ANKRD36C: variants seen among roughly 807,000 people sequenced by gnomAD.
ANKRD36C encodes ankyrin repeat domain-containing protein 36C.
A neutral mutation model predicts 276.4 loss-of-function variants in ANKRD36C; 61 were observed. The ratio of observed to expected loss-of-function variants is 0.22; its 90% CI spans 0.18 to 0.27. The LOEUF is 0.27. Among genes scored for constraint, ANKRD36C ranks in the 10% least tolerant of loss-of-function variants. ANKRD36C has a pLI of 1.00. For synonymous variants in ANKRD36C, 483 were observed against 680.1 expected, an observed-to-expected ratio of 0.71 and a Z score of 4.51; for missense variants, 1,447 against 2,032.3, an observed-to-expected ratio of 0.71 and a Z score of 5.54.
chr2:95,928,450 A>T (rs1677469586), intron 26 of ANKRD36C, among the ~76,000 whole-genome samples: 1 of 151,542 alleles, frequency 6.6e-6, no homozygotes, highest in Admixed American at 6.6e-5. Context: ...CGATTCTAGC[A>T]CTCTTTCCTG....
At chr2:95,986,951 C>G (rs868763882) in intron 2 of ANKRD36C, 27 bp from the exon 3 acceptor site, 3 of 1,613,244 alleles carry the variant, frequency 1.9e-6, no homozygotes, top group Middle Eastern at 1.7e-4. Flanking sequence ...GAGAAACATG[C>G]AAATATTGAA....
chr2:95,851,659 T>C, intron 66 of ANKRD36C, 35 bp downstream of exon 86: 1 of 1,436,682 alleles, frequency 7.0e-7, no homozygotes. Context: ...ATAAAATTCC[T>C]TTTCAGTATG....
chr2:95,960,921 C>T (rs1678444965), intron 8 of ANKRD36C, among the ~76,000 whole-genome samples: 1 of 151,980 alleles, frequency 6.6e-6, no homozygotes, highest in South Asian at 2.1e-4. Flanking sequence ...TGCAATAAAA[C>T]AGTGTCTTTA....
chr2:95,883,774 G>A (rs1432115845), intron 54 of ANKRD36C, among the ~76,000 whole-genome samples: 3 of 152,012 alleles, frequency 2.0e-5, no homozygotes, highest in African/African-American at 4.8e-5. Flanking sequence ...GTTCTACAGT[G>A]TTTATGGGTT....
intron 38 of ANKRD36C, among the ~76,000 whole-genome samples, chr2:95,915,414 T>G (rs577897545): frequency 1.3e-5 from 2 of 151,628 alleles, no homozygotes; most frequent in South Asian, 4.1e-4. Context: ...CAAATATTGT[T>G]TATGGAAATG....
chr2:95,965,997 T>C (rs757055621), intron 6 of ANKRD36C, among the ~76,000 whole-genome samples: 11 of 152,194 alleles, frequency 7.2e-5, no homozygotes, highest in Non-Finnish European at 1.5e-4. Context: ...ATGTCGTCAA[T>C]AAGTTTTAGT....
chr2:95,923,477 T>C lies in ANKRD36C; in HGVS notation c.2143+18A>G, dbSNP rs547599650. 229 of 1,609,732 alleles carry C rather than the reference T, an allele frequency of 1.4e-4. No individual in the cohort carries two copies. The African/African-American group carries it at 2.8e-3, about 20-fold the overall frequency. On this transcript the variant is annotated intron_variant, in intron 32 of 66. Coordinates refer to ENST00000456556, the Ensembl canonical transcript of ANKRD36C. ...TATCTGGACTGAACATGACATTTAA[T>C]GTGTTTTGCAAAATTACCTGTCCCA...
intron 6 of ANKRD36C, among the ~76,000 whole-genome samples, chr2:95,963,958 AATAT>A (rs1275080152): frequency 1.6e-5 from 1 of 63,598 alleles, no homozygotes; most frequent in South Asian, 4.5e-4. Flanking sequence ...TATATATATA[AATAT>A]ATATATATAA....
At chr2:95,879,108 G>T (rs1036039160) in intron 58 of ANKRD36C, among the ~76,000 whole-genome samples, 9 of 152,250 alleles carry the variant, frequency 5.9e-5, no homozygotes, top group Non-Finnish European at 1.0e-4. Context: ...ATACATATAT[G>T]GCTCAGCCAT....
intron 24 of ANKRD36C, among the ~76,000 whole-genome samples, chr2:95,933,550 C>T (rs956873540): frequency 6.6e-6 from 1 of 151,998 alleles, no homozygotes; most frequent in Admixed American, 6.6e-5. Flanking sequence ...TGTGAATGGG[C>T]GTTCACTCAT....
chr2:95,862,740 C>T (rs893759439), intron 60 of ANKRD36C, among the ~76,000 whole-genome samples: 1 of 151,858 alleles, frequency 6.6e-6, no homozygotes, highest in Non-Finnish European at 1.5e-5. Context: ...ACAGATGTGA[C>T]GGTATTAGGA....
Position 95,923,485 on chromosome 2 carries a change from G to T in ANKRD36C, c.2143+10C>A. The T allele has an allele frequency of 6.2e-7, 1 of 1,610,112 alleles. No individual in the cohort carries two copies. Among genetic ancestry groups the T allele is most frequent in the Non-Finnish European group, 8.5e-7 (1 of 1,177,604 alleles). On this transcript the variant is annotated intron_variant, in intron 32 of 66. Transcript: ENST00000456556. ...CTGAACATGACATTTAATGTGTTTT[G>T]CAAAATTACCTGTCCCACATTGTAG...
chr2:95,990,804 C>A (rs1177820623), intron 1 of ANKRD36C, among the ~76,000 whole-genome samples: 1 of 152,082 alleles, frequency 6.6e-6, no homozygotes, highest in Admixed American at 6.5e-5. Flanking sequence ...AATTTTTAGT[C>A]AGGAAGTTGA....
At chr2:95,891,784 A>G in intron 45 of ANKRD36C, 47 bp from the exon 66 acceptor site, 17 of 1,560,024 alleles carry the variant, frequency 1.1e-5, no homozygotes, top group Non-Finnish European at 1.4e-5. Context: ...AGTATGTTTC[A>G]TAGACTATAC....
At chr2:95,878,591 T>C (rs1457377300) in intron 58 of ANKRD36C, among the ~76,000 whole-genome samples, 1 of 152,230 alleles carries the variant, frequency 6.6e-6, no homozygotes, top group Non-Finnish European at 1.5e-5. Flanking sequence ...ATGTATAATT[T>C]CTATTTCCTA....
exon 66 of ANKRD36C, chr2:95,851,741 C>A (rs77309250): frequency 2.4e-4 from 370 of 1,535,300 alleles, no homozygotes; most frequent in Non-Finnish European, 2.3e-4. Flanking sequence ...ATTTGTTCAT[C>A]CTGTTTTTTA....
chr2:95,906,240 C>T (rs1351296479), intron 42 of ANKRD36C, among the ~76,000 whole-genome samples: 2 of 21,076 alleles, frequency 9.5e-5, no homozygotes, highest in African/African-American at 3.2e-4. Flanking sequence ...ACAGTGTCTA[C>T]GGCTTATTAT....
chr2:95,849,400 T>A (rs1675239731), downstream of ANKRD36C, among the ~76,000 whole-genome samples: 1 of 152,168 alleles, frequency 6.6e-6, no homozygotes, highest in Non-Finnish European at 1.5e-5. Context: ...AGGTATTGAT[T>A]TAGATTTTAC....
rs565852977 is a variant in ANKRD36C, at chr2:95,918,200, G to A, written c.2246-158C>T. On this transcript the variant is annotated intron_variant, in intron 34 of 66. Transcript: ENST00000456556. ...GTCTTGGGACTGGAACATGACAGAA[G>A]TACACTGGTAAGAGGGAATACAGGC... 4.4e-3 allele frequency among the ~76,000 whole-genome samples: 666 copies of A among 151,710 alleles called. 9 individuals carry two copies. Among genetic ancestry groups the A allele is most frequent in the Middle Eastern group, 6.8e-3 (2 of 294 alleles).
Sources: gnomAD v4.1 joint callset for allele counts (sites outside exome capture counted in the v4.1 genomes callset) on GRCh38, gnomAD v4.1.1 for gene constraint, MANE v1.5 for transcripts, NCBI Gene and HGNC (gene_info 2026-07-23, HGNC 2026-07-21) for gene names.